Variants in MACROD2 observed in about 807,000 individuals in gnomAD.
MACROD2 encodes mono-ADP ribosylhydrolase 2, also known as ADP-ribose glycohydrolase MACROD2.
Under a neutral mutation model 70.4 loss-of-function variants are expected in MACROD2, and 36 were observed. That is an observed-to-expected ratio of 0.51 (90% confidence interval 0.39 to 0.68). The LOEUF (loss-of-function observed/expected upper bound fraction) is 0.68, where lower values mean the gene tolerates loss of function less well. MACROD2 is among the 30% of genes least tolerant of loss of function. The pLI, the probability that MACROD2 is intolerant of heterozygous loss-of-function variation, is 0.00. For synonymous variants in MACROD2, 172 were observed against 178.8 expected (o/e 0.96, Z 0.30); for missense variants, 496 against 538.4 (o/e 0.92, Z 0.78).
At chr20:15,106,000 G>A (rs2075908031) in intron 5 of MACROD2, among the ~76,000 whole-genome samples, 1 of 152,152 alleles carries the variant, frequency 6.6e-6, no homozygotes, top group South Asian at 2.1e-4. Flanking sequence ...CACATAACAT[G>A]AGGTGATGAA....
intron 5 of MACROD2, among the ~76,000 whole-genome samples, chr20:15,194,480 A>G (rs1353513017): frequency 6.6e-6 from 1 of 152,070 alleles, no homozygotes; most frequent in Admixed American, 6.6e-5. Context: ...GAAGGGTTGT[A>G]AAAATAACGC....
At chr20:14,188,703 AT>A (rs549777163) in intron 3 of MACROD2, among the ~76,000 whole-genome samples, 1 of 151,972 alleles carries the variant, frequency 6.6e-6, no homozygotes, top group African/African-American at 2.4e-5. Context: ...TTTGCCTTAA[AT>A]TTTTTTTAAC....
At chr20:15,389,005 A>G (rs557556192) in intron 6 of MACROD2, among the ~76,000 whole-genome samples, 49 of 151,782 alleles carry the variant, frequency 3.2e-4, no homozygotes, top group African/African-American at 1.2e-3. Flanking sequence ...TTTAGGAGTC[A>G]GGAGGGTGAA....
intron 3 of MACROD2, among the ~76,000 whole-genome samples, chr20:14,110,268 G>T (rs757061526): frequency 8.0e-4 from 121 of 152,056 alleles, no homozygotes; most frequent in Non-Finnish European, 1.3e-3. Flanking sequence ...GCCACAGCTG[G>T]TATCACCCTA....
chr20:14,217,445 C>A (rs2081632634), intron 3 of MACROD2, among the ~76,000 whole-genome samples: 1 of 152,084 alleles, frequency 6.6e-6, no homozygotes, highest in African/African-American at 2.4e-5. Context: ...CTAAGTTCAT[C>A]AAGGATATTG....
intron 3 of MACROD2, among the ~76,000 whole-genome samples, chr20:14,241,974 T>C (rs927465828): frequency 6.6e-6 from 1 of 152,146 alleles, no homozygotes; most frequent in Non-Finnish European, 1.5e-5. Flanking sequence ...ATTACAACTG[T>C]GTAAAATTAC....
intron 3 of MACROD2, among the ~76,000 whole-genome samples, chr20:14,194,354 G>C (rs1344538940): frequency 6.6e-6 from 1 of 152,100 alleles, no homozygotes; most frequent in Non-Finnish European, 1.5e-5. Flanking sequence ...TTCCTGCTGA[G>C]ACCTGACTTG....
intron 5 of MACROD2, among the ~76,000 whole-genome samples, chr20:15,100,365 G>A (rs943088105): frequency 2.6e-5 from 4 of 152,120 alleles, no homozygotes; most frequent in African/African-American, 9.7e-5. Context: ...AAGTTGAGGA[G>A]CACTTAAAAT....
At chr20:15,769,043 A>G (rs1269306784) in intron 8 of MACROD2, among the ~76,000 whole-genome samples, 4 of 152,252 alleles carry the variant, frequency 2.6e-5, no homozygotes, top group Admixed American at 6.5e-5. Context: ...CTGTTTTACA[A>G]TTAACCTTTT....
intron 12 of MACROD2, among the ~76,000 whole-genome samples, chr20:15,962,155 C>G (rs2066071791): frequency 1.3e-5 from 2 of 152,208 alleles, no homozygotes; most frequent in Admixed American, 1.3e-4. Context: ...TACTGCTTCT[C>G]CCACTATCAA....
intron 5 of MACROD2, among the ~76,000 whole-genome samples, chr20:14,747,344 G>A (rs1353267978): frequency 6.6e-6 from 1 of 152,168 alleles, no homozygotes; most frequent in Non-Finnish European, 1.5e-5. Context: ...TAGAGCTTAA[G>A]CATCAAGATA....
chr20:14,494,958 C>T (rs906447523), intron 4 of MACROD2, among the ~76,000 whole-genome samples: 5 of 152,092 alleles, frequency 3.3e-5, no homozygotes, highest in Admixed American at 2.0e-4. Context: ...AGAAACCTCA[C>T]GAATATTGTT....
chr20:15,427,044 TA>T (rs2046307834), intron 6 of MACROD2, among the ~76,000 whole-genome samples: 2 of 152,018 alleles, frequency 1.3e-5, no homozygotes, highest in Admixed American at 6.6e-5. Flanking sequence ...CTCTGAGTAA[TA>T]AAAAATGATT....
chr20:14,835,067 G>T (rs2073014232), intron 5 of MACROD2, among the ~76,000 whole-genome samples: 1 of 151,988 alleles, frequency 6.6e-6, no homozygotes, highest in African/African-American at 2.4e-5. Context: ...GAACTGAATG[G>T]AACATGTTTT....
intron 6 of MACROD2, among the ~76,000 whole-genome samples, chr20:15,423,348 A>T (rs1436581281): frequency 1.3e-5 from 2 of 152,178 alleles, no homozygotes; most frequent in African/African-American, 4.8e-5. Context: ...TAAAAGTTGA[A>T]ACCTAAATGT....
At chr20:14,007,050 T>G (rs1011631252) in intron 2 of MACROD2, among the ~76,000 whole-genome samples, 2 of 152,212 alleles carry the variant, frequency 1.3e-5, no homozygotes, top group African/African-American at 4.8e-5. Flanking sequence ...CTGTCTGGTG[T>G]AAAGTTCTCT....
At chr20:15,627,852 C>T (rs1030280033) in intron 8 of MACROD2, among the ~76,000 whole-genome samples, 3 of 152,238 alleles carry the variant, frequency 2.0e-5, no homozygotes, top group African/African-American at 7.2e-5. Flanking sequence ...ATCATGTAAA[C>T]TATAAACTAA....
At chr20:14,115,542 T>G (rs746215797) in intron 3 of MACROD2, among the ~76,000 whole-genome samples, 1 of 152,218 alleles carries the variant, frequency 6.6e-6, no homozygotes, top group Non-Finnish European at 1.5e-5. Context: ...TTGTTTTTCC[T>G]TTGTTTAACT....
chr20:15,407,663 G>A, intron 6 of MACROD2, among the ~76,000 whole-genome samples: 1 of 152,162 alleles, frequency 6.6e-6, no homozygotes, highest in Non-Finnish European at 1.5e-5. Flanking sequence ...GCCTCTCTGT[G>A]CCTCAGTTTC....
Sources: allele counts gnomAD v4.1 joint callset (sites outside exome capture counted in the v4.1 genomes callset), GRCh38; gene constraint gnomAD v4.1.1; transcripts MANE v1.5; gene names NCBI Gene and HGNC (gene_info 2026-07-23, HGNC 2026-07-21).